Variants in RALYL observed in about 807,000 individuals in gnomAD.
The protein encoded by RALYL is RNA-binding Raly-like protein.
A neutral mutation model predicts 35.1 loss-of-function variants in RALYL; 29 were observed. The ratio of observed to expected loss-of-function variants is 0.83; its 90% confidence interval spans 0.61 to 1.13. RALYL has a LOEUF of 1.13. Ranked by LOEUF, RALYL falls within the 50% of genes most tolerant of loss-of-function variation. The pLI is 0.00. For missense variants in RALYL, 359 were observed against 360.4 expected (o/e 1.00, Z 0.03); for synonymous variants, 120 against 127.6 (o/e 0.94, Z 0.40).
intron 4 of RALYL, among the ~76,000 whole-genome samples, chr8:84,833,943 T>C (rs1449630545): frequency 6.6e-6 from 1 of 151,602 alleles, no homozygotes; most frequent in Non-Finnish European, 1.5e-5. Context: ...TTAACATTAT[T>C]ATAATTATTA....
chr8:84,401,337 C>T (rs1300539475), intron 1 of RALYL, among the ~76,000 whole-genome samples: 2 of 151,930 alleles, frequency 1.3e-5, no homozygotes, highest in African/African-American at 4.8e-5. Flanking sequence ...CATTATGGAA[C>T]ATTTGAAAAT....
intron 1 of RALYL, among the ~76,000 whole-genome samples, chr8:84,261,105 A>G (rs1221939101): frequency 5.7e-5 from 2 of 35,142 alleles, no homozygotes; most frequent in Non-Finnish European, 1.1e-4. Context: ...AGTTATTTAC[A>G]GGTTTTTTTT....
At chr8:84,394,290 C>A (rs561317143) in intron 1 of RALYL, among the ~76,000 whole-genome samples, 1 of 152,002 alleles carries the variant, frequency 6.6e-6, no homozygotes, top group African/African-American at 2.4e-5. Flanking sequence ...ATGTAAATAA[C>A]CTATATGTAT....
At position 84,680,991 on chromosome 8, in the gene RALYL, A is replaced by G. The variant is rs370767275; in HGVS notation, c.257-93588A>G. Among the ~76,000 whole-genome samples the G allele has an allele frequency of 9.4e-3, 1,425 of 151,960 alleles. 23 individuals are homozygous for G. The highest frequency in any genetic ancestry group is 0.032 in the African/African-American group (1,313 of 41,312). On this transcript the variant is annotated intron_variant, in intron 2 of 8. Coordinates refer to ENST00000521268, the MANE Select transcript of RALYL (RefSeq NM_173848.7). ...GGGTTTTTATGGTTTTAGGTCTAACATTTAAGTCTTTAATCCATCTTGAAT... is the reference window on the plus strand; with the variant it reads ...GGGTTTTTATGGTTTTAGGTCTAACGTTTAAGTCTTTAATCCATCTTGAAT...
At chr8:84,844,053 C>T (rs1834033919) in intron 4 of RALYL, among the ~76,000 whole-genome samples, 1 of 152,148 alleles carries the variant, frequency 6.6e-6, no homozygotes, top group African/African-American at 2.4e-5. Flanking sequence ...AGGACATAGG[C>T]ATGGGCAAGG....
intron 4 of RALYL, among the ~76,000 whole-genome samples, chr8:84,839,738 C>G (rs1209258438): frequency 6.6e-6 from 1 of 152,214 alleles, no homozygotes; most frequent in Admixed American, 6.5e-5. Context: ...AGACTGACAC[C>G]TCACACGGCC....
chr8:84,508,318 T>C (rs2134357493), intron 1 of RALYL, among the ~76,000 whole-genome samples: 1 of 152,278 alleles, frequency 6.6e-6, no homozygotes, highest in Admixed American at 6.5e-5. Context: ...CTAAGCTGCA[T>C]CACACATAGG....
intron 2 of RALYL, among the ~76,000 whole-genome samples, chr8:84,544,667 C>A (rs2060237277): frequency 6.6e-6 from 1 of 151,902 alleles, no homozygotes. Flanking sequence ...AGATAGATTC[C>A]AAGAAATGAG....
At chr8:84,670,063 G>T (rs1437709675) in intron 2 of RALYL, among the ~76,000 whole-genome samples, 1 of 151,678 alleles carries the variant, frequency 6.6e-6, no homozygotes, top group African/African-American at 2.4e-5. Context: ...TTGTTCCTCT[G>T]AAACAGGGCT....
chr8:84,363,499 C>T (rs1215233791), intron 1 of RALYL, among the ~76,000 whole-genome samples: 1 of 152,178 alleles, frequency 6.6e-6, no homozygotes, highest in African/African-American at 2.4e-5. Flanking sequence ...GATCAACAAC[C>T]TAATACCACA....
intron 1 of RALYL, among the ~76,000 whole-genome samples, chr8:84,468,774 G>T (rs934334112): frequency 8.6e-5 from 13 of 151,972 alleles, no homozygotes; most frequent in South Asian, 8.3e-4. Context: ...ATCACTTTCA[G>T]GTACACCAAT....
intron 2 of RALYL, among the ~76,000 whole-genome samples, chr8:84,759,043 G>A (rs1374857488): frequency 6.6e-6 from 1 of 151,964 alleles, no homozygotes; most frequent in Admixed American, 6.6e-5. Flanking sequence ...CTTTCCTTGT[G>A]GCCCCTTGTT....
At chr8:84,829,089 A>C (rs997101169) in intron 4 of RALYL, 37 of 152,434 alleles carry the variant, frequency 2.4e-4, no homozygotes, top group African/African-American at 8.9e-4. Context: ...AGGCCTCACA[A>C]TCATGGCAGA....
At chr8:84,372,139 A>C (rs1368495231) in intron 1 of RALYL, among the ~76,000 whole-genome samples, 1 of 152,136 alleles carries the variant, frequency 6.6e-6, no homozygotes, top group Non-Finnish European at 1.5e-5. Flanking sequence ...TAAATGTTAG[A>C]GAGGTGGTAC....
At chr8:84,583,397 C>T (rs1241016514) in intron 2 of RALYL, among the ~76,000 whole-genome samples, 1 of 152,122 alleles carries the variant, frequency 6.6e-6, no homozygotes, top group Non-Finnish European at 1.5e-5. Flanking sequence ...CATGTTCAGG[C>T]ACAATGCAGT....
chr8:84,301,797 A>G (rs1840840770), intron 1 of RALYL, among the ~76,000 whole-genome samples: 1 of 152,052 alleles, frequency 6.6e-6, no homozygotes, highest in East Asian at 1.9e-4. Context: ...AGTGTTTTTT[A>G]TATATAATTT....
intron 1 of RALYL, among the ~76,000 whole-genome samples, chr8:84,293,847 T>G (rs1052096228): frequency 6.6e-6 from 1 of 152,106 alleles, no homozygotes; most frequent in Non-Finnish European, 1.5e-5. Context: ...GCACGAAACT[T>G]TCCTTACTAC....
chr8:84,891,722 G>C (rs1404278486), intron 8 of RALYL, among the ~76,000 whole-genome samples: 1 of 152,142 alleles, frequency 6.6e-6, no homozygotes, highest in Non-Finnish European at 1.5e-5. Flanking sequence ...TGAAACTAAG[G>C]AGTCTCTCCT....
intron 8 of RALYL, among the ~76,000 whole-genome samples, chr8:84,895,354 G>A (rs1587038178): frequency 6.7e-6 from 1 of 149,426 alleles, no homozygotes; most frequent in Non-Finnish European, 1.5e-5. Context: ...AAAAAAAAAA[G>A]ACTTAGAAAG....
Sources: allele counts gnomAD v4.1 joint callset (sites outside exome capture counted in the v4.1 genomes callset), GRCh38; gene constraint gnomAD v4.1.1; transcripts MANE v1.5; gene names NCBI Gene and HGNC (gene_info 2026-07-23, HGNC 2026-07-21).